Variants in LRRTM4 observed in about 807,000 individuals in gnomAD.
LRRTM4 encodes leucine rich repeat transmembrane neuronal 4, also known as leucine-rich repeat transmembrane neuronal protein 4.
Under a neutral mutation model 47.6 loss-of-function variants are expected in LRRTM4, and 25 were observed. The observed-to-expected ratio is 0.53, with a 90% CI of 0.38 to 0.73. The LOEUF (loss-of-function observed/expected upper bound fraction) is 0.73, where lower values mean the gene tolerates loss of function less well. Ranked by LOEUF, LRRTM4 falls within the 30% of genes least tolerant of loss-of-function variation. The probability of loss-of-function intolerance (pLI) is 0.00; values close to 1 mark genes in which losing one functional copy is unlikely to be tolerated. For missense variants in LRRTM4, 638 were observed against 713.4 expected, an observed-to-expected ratio of 0.89 and a Z score of 1.20; for synonymous variants, 311 against 269.5, an observed-to-expected ratio of 1.15 and a Z score of -1.51.
chr2:77,383,932 C>T (rs73941248), intron 3 of LRRTM4, among the ~76,000 whole-genome samples: 4,431 of 152,160 alleles, frequency 0.029, 232 homozygotes, highest in African/African-American at 0.1. Context: ...GTAAGAGAAC[C>T]ACTACACTAG....
intron 3 of LRRTM4, among the ~76,000 whole-genome samples, chr2:77,317,732 C>T (rs1445065835): frequency 6.6e-6 from 1 of 152,102 alleles, no homozygotes; most frequent in African/African-American, 2.4e-5. Context: ...AGTTAGTCTG[C>T]TTGAATCTTG....
chr2:77,448,643 G>T (rs1383859622), intron 3 of LRRTM4, among the ~76,000 whole-genome samples: 1 of 149,426 alleles, frequency 6.7e-6, no homozygotes, highest in Admixed American at 6.7e-5. Flanking sequence ...ATCAAAAAAA[G>T]ATGAAGTAAA....
chr2:77,315,020 G>A (rs1677577835), intron 3 of LRRTM4, among the ~76,000 whole-genome samples: 1 of 152,128 alleles, frequency 6.6e-6, no homozygotes, highest in Non-Finnish European at 1.5e-5. Flanking sequence ...AAGCTATGAG[G>A]CTCAGTAGGT....
At chr2:77,285,340 T>TTTTATATATATATA (rs1553422162) in intron 3 of LRRTM4, among the ~76,000 whole-genome samples, 15 of 82,592 alleles carry the variant, frequency 1.8e-4, no homozygotes, top group Middle Eastern at 9.1e-3. Context: ...AGCATTAAAT[T>TTTTATATATATATA]TATATATATA....
intron 3 of LRRTM4, among the ~76,000 whole-genome samples, chr2:77,373,079 T>TAAA (rs34776298): frequency 0.025 from 3,279 of 133,224 alleles, 47 homozygotes; most frequent in Non-Finnish European, 0.031. Flanking sequence ...AACCAACAAT[T>TAAA]AAAAAAAAAA....
At chr2:77,063,003 G>T (rs1342857287) in intron 3 of LRRTM4, among the ~76,000 whole-genome samples, 4 of 147,872 alleles carry the variant, frequency 2.7e-5, no homozygotes, top group Non-Finnish European at 6.0e-5. Flanking sequence ...CGCCCAGGCT[G>T]GAGTGCAGTG....
intron 3 of LRRTM4, among the ~76,000 whole-genome samples, chr2:77,492,713 A>C (rs1217465915): frequency 6.6e-6 from 1 of 152,222 alleles, no homozygotes; most frequent in African/African-American, 2.4e-5. Context: ...TGAAATTAAG[A>C]ATCAAGGTAT....
chr2:77,154,204 T>A (rs1233146914), intron 3 of LRRTM4, among the ~76,000 whole-genome samples: 1 of 152,182 alleles, frequency 6.6e-6, no homozygotes, highest in African/African-American at 2.4e-5. Flanking sequence ...CTTTCTAGTT[T>A]CCATGTCTAA....
At chr2:76,903,093 C>T (rs1673697771) in intron 3 of LRRTM4, among the ~76,000 whole-genome samples, 1 of 152,138 alleles carries the variant, frequency 6.6e-6, no homozygotes, top group South Asian at 2.1e-4. Flanking sequence ...AAAAACTGGC[C>T]TGGCACAGTG....
chr2:77,037,792 T>G (rs1042805482), intron 3 of LRRTM4, among the ~76,000 whole-genome samples: 1 of 151,770 alleles, frequency 6.6e-6, no homozygotes, highest in Non-Finnish European at 1.5e-5. Flanking sequence ...TATCTTTGCA[T>G]GCAAATGATA....
chr2:77,289,045 C>T (rs10170183), intron 3 of LRRTM4, among the ~76,000 whole-genome samples: 18,211 of 151,940 alleles, frequency 0.12, 2,231 homozygotes, highest in African/African-American at 0.31. Context: ...ACTTATAATA[C>T]GGAGTTTATG....
At chr2:77,430,224 G>T (rs552895101) in intron 3 of LRRTM4, among the ~76,000 whole-genome samples, 1 of 152,092 alleles carries the variant, frequency 6.6e-6, no homozygotes, top group African/African-American at 2.4e-5. Context: ...ATTCCACAAT[G>T]TATACATACT....
chr2:77,215,347 G>C (rs992463433), intron 3 of LRRTM4, among the ~76,000 whole-genome samples: 3 of 152,130 alleles, frequency 2.0e-5, no homozygotes, highest in Non-Finnish European at 4.4e-5. Flanking sequence ...AGGTGTTTTA[G>C]ATGCTTCATT....
At chr2:77,209,448 C>T (rs67676091) in intron 3 of LRRTM4, among the ~76,000 whole-genome samples, 30,030 of 151,174 alleles carry the variant, frequency 0.2, 5,710 homozygotes, top group African/African-American at 0.49. Context: ...AACAAAAAAC[C>T]AACCAATTTA....
chr2:76,957,041 A>G (rs1299607211), intron 3 of LRRTM4, among the ~76,000 whole-genome samples: 1 of 151,822 alleles, frequency 6.6e-6, no homozygotes, highest in Non-Finnish European at 1.5e-5. Context: ...TAAATGGATT[A>G]AAAAATGTGA....
intron 3 of LRRTM4, chr2:77,517,078 G>A (rs1445544783): frequency 1.0e-6 from 1 of 984,882 alleles, no homozygotes; most frequent in Non-Finnish European, 1.2e-6. Context: ...GTTTCTTCCA[G>A]CAACAAGGCC....
At chr2:77,118,305 T>C (rs1385034342) in intron 3 of LRRTM4, among the ~76,000 whole-genome samples, 1 of 151,684 alleles carries the variant, frequency 6.6e-6, no homozygotes, top group Non-Finnish European at 1.5e-5. Context: ...ACTGACATAA[T>C]ATCGAGAAAA....
intron 3 of LRRTM4, among the ~76,000 whole-genome samples, chr2:77,050,314 A>C (rs564330674): frequency 1.7e-4 from 26 of 152,256 alleles, no homozygotes; most frequent in Middle Eastern, 3.4e-3. Context: ...TGGATGGGCC[A>C]CTGGCCCCAA....
chr2:77,270,374 T>G (rs1443614860), intron 3 of LRRTM4, among the ~76,000 whole-genome samples: 3 of 152,206 alleles, frequency 2.0e-5, no homozygotes, highest in Admixed American at 2.0e-4. Context: ...TATTGGGATC[T>G]CTCTATGATG....
Sources: gnomAD v4.1 joint callset for allele counts (sites outside exome capture counted in the v4.1 genomes callset) on GRCh38, gnomAD v4.1.1 for gene constraint, MANE v1.5 for transcripts, NCBI Gene and HGNC (gene_info 2026-07-23, HGNC 2026-07-21) for gene names.